Variants in NAALADL2 observed in about 807,000 individuals in gnomAD.
The protein encoded by NAALADL2 is N-acetylated alpha-linked acidic dipeptidase like 2.
A neutral mutation model predicts 87.2 loss-of-function variants in NAALADL2; 76 were observed. The ratio of observed to expected loss-of-function variants is 0.87; its 90% CI spans 0.72 to 1.05. The LOEUF (loss-of-function observed/expected upper bound fraction) is 1.05. Among genes scored for constraint, NAALADL2 ranks in the 50% least tolerant of loss-of-function variants. The pLI is 0.00. For synonymous variants in NAALADL2, 354 were observed against 331.0 expected (o/e 1.07, Z -0.75); for missense variants, 1,089 against 945.8 (o/e 1.15, Z -1.99).
At chr3:174,725,882 A>G (rs1732135711) in intron 2 of NAALADL2, among the ~76,000 whole-genome samples, 1 of 152,188 alleles carries the variant, frequency 6.6e-6, no homozygotes, top group Non-Finnish European at 1.5e-5. Flanking sequence ...CTTGTTTTTA[A>G]CTATACTTTT....
At chr3:175,627,957 A>G (rs922912215) in intron 11 of NAALADL2, among the ~76,000 whole-genome samples, 1 of 76,018 alleles carries the variant, frequency 1.3e-5, no homozygotes. Flanking sequence ...GATAATTTTT[A>G]GTTGCAGAAA....
intron 10 of NAALADL2, among the ~76,000 whole-genome samples, chr3:175,613,198 G>A (rs1724878978): frequency 6.6e-6 from 1 of 152,146 alleles, no homozygotes; most frequent in African/African-American, 2.4e-5. Context: ...AAAGAGAAAA[G>A]AGCTCTCAGT....
intron 5 of NAALADL2, among the ~76,000 whole-genome samples, chr3:175,369,354 CAT>C (rs1217253154): frequency 7.1e-6 from 1 of 140,746 alleles, no homozygotes; most frequent in African/African-American, 2.7e-5. Flanking sequence ...TGTACATATA[CAT>C]GTTACATTTA....
intron 9 of NAALADL2, among the ~76,000 whole-genome samples, chr3:175,488,936 G>A (rs903316325): frequency 2.0e-5 from 3 of 152,180 alleles, no homozygotes; most frequent in African/African-American, 7.2e-5. Context: ...ATTGGCATGA[G>A]CATGAAATGG....
chr3:174,619,288 C>T (rs1320337455), intron 2 of NAALADL2, among the ~76,000 whole-genome samples: 1 of 151,878 alleles, frequency 6.6e-6, no homozygotes, highest in Non-Finnish European at 1.5e-5. Context: ...CTTGAACAAC[C>T]TTTTCAATCC....
At chr3:174,720,730 A>G (rs1377325001) in intron 2 of NAALADL2, among the ~76,000 whole-genome samples, 1 of 152,204 alleles carries the variant, frequency 6.6e-6, no homozygotes, top group Admixed American at 6.5e-5. Flanking sequence ...GAGTAGATTA[A>G]TAAAATGCAG....
At chr3:174,732,457 C>A (rs1732794695) in intron 2 of NAALADL2, among the ~76,000 whole-genome samples, 1 of 152,126 alleles carries the variant, frequency 6.6e-6, no homozygotes, top group South Asian at 2.1e-4. Flanking sequence ...TTGTAGAAAT[C>A]TATGGAAATG....
intron 1 of NAALADL2, among the ~76,000 whole-genome samples, chr3:174,921,284 G>T (rs1735145262): frequency 6.6e-6 from 1 of 152,112 alleles, no homozygotes; most frequent in Non-Finnish European, 1.5e-5. Context: ...ACAATATTTT[G>T]CTGAAAATAT....
At chr3:174,589,518 CTGTT>C (rs1717125571) in intron 2 of NAALADL2, among the ~76,000 whole-genome samples, 1 of 152,176 alleles carries the variant, frequency 6.6e-6, no homozygotes, top group East Asian at 1.9e-4. Context: ...GTCTGAGTTT[CTGTT>C]TGTTTACTGG....
chr3:175,112,434 G>T (rs1724352634), intron 2 of NAALADL2: 1 of 151,498 alleles, frequency 6.6e-6, no homozygotes, highest in African/African-American at 2.4e-5. Flanking sequence ...TTTTTATTCT[G>T]CTTTATAAGT....
At chr3:174,834,784 T>C (rs1005198978) in intron 3 of NAALADL2, among the ~76,000 whole-genome samples, 6 of 151,778 alleles carry the variant, frequency 4.0e-5, no homozygotes, top group African/African-American at 1.2e-4. Flanking sequence ...AGAGAGAAAT[T>C]GAGTATATAA....
intron 5 of NAALADL2, among the ~76,000 whole-genome samples, chr3:175,391,428 G>A (rs1769054128): frequency 1.3e-5 from 2 of 152,170 alleles, no homozygotes; most frequent in Admixed American, 1.3e-4. Context: ...GTCTCACTCT[G>A]AGAGAAGCCA....
At chr3:174,687,912 G>A (rs945398160) in intron 2 of NAALADL2, among the ~76,000 whole-genome samples, 19 of 152,046 alleles carry the variant, frequency 1.2e-4, no homozygotes, top group Non-Finnish European at 2.5e-4. Flanking sequence ...CATATAAGAC[G>A]TGCCTTTGCT....
chr3:175,693,214 A>T (rs989950401), intron 11 of NAALADL2, among the ~76,000 whole-genome samples: 26 of 152,138 alleles, frequency 1.7e-4, no homozygotes, highest in African/African-American at 6.3e-4. Context: ...CAGAGATTTT[A>T]TGGGGGCCCC....
intron 9 of NAALADL2, among the ~76,000 whole-genome samples, chr3:175,523,567 C>T (rs1732964593): frequency 6.6e-6 from 1 of 152,152 alleles, no homozygotes; most frequent in South Asian, 2.1e-4. Context: ...TCTTTTTAAT[C>T]CTCCGCACGG....
rs535946546 is a variant in NAALADL2, at chr3:175,718,301, C to A, written c.1897-19005C>A. 147 of 1,531,094 alleles carry A rather than the reference C, an allele frequency of 9.6e-5. 1 individual carries two copies. The East Asian group carries it at 1.3e-3, about 13-fold the overall frequency. The allele number at this position is 1,531,094 out of a possible 1,614,324, so 94.8% of individuals were successfully genotyped here. ...CTTTAGACATCGTTAGGCGCCGAAG[C>A]TCTTGCAGGACAACTTTGATGCTAT... On this transcript the variant is annotated intron_variant, in intron 11 of 13. Transcript: ENST00000454872.
chr3:175,493,074 T>A (rs1172117747), intron 9 of NAALADL2, among the ~76,000 whole-genome samples: 2 of 152,102 alleles, frequency 1.3e-5, no homozygotes, highest in Non-Finnish European at 2.9e-5. Flanking sequence ...TATATTCATA[T>A]AAATATGTAT....
chr3:175,139,785 TA>T (rs576966978), intron 2 of NAALADL2, among the ~76,000 whole-genome samples: 3 of 152,170 alleles, frequency 2.0e-5, no homozygotes, highest in Admixed American at 6.6e-5. Flanking sequence ...AAGCATTTCT[TA>T]AAAAAATTAT....
rs546881188 is a variant in NAALADL2 at position 174,741,750 on chromosome 3, C to T, written c.-9+4004C>T. 1.0e-3 allele frequency among the ~76,000 whole-genome samples: 156 copies of T among 151,602 alleles called. 1 individual carries two copies. Among genetic ancestry groups the T allele is most frequent in the Non-Finnish European group, 1.9e-3 (129 of 67,610 alleles). On this transcript the variant is annotated intron_variant, in intron 3 of 3. Coordinates refer to the NAALADL2 transcript ENST00000434257. ...TTTTTGAAGATCTTTGCATATAGCT[C>T]TTGCTATAAATTTCAAAGATATCAA...
Sources: gnomAD v4.1 joint callset for allele counts (sites outside exome capture counted in the v4.1 genomes callset) on GRCh38, gnomAD v4.1.1 for gene constraint, MANE v1.5 for transcripts, NCBI Gene and HGNC (gene_info 2026-07-23, HGNC 2026-07-21) for gene names.